Variants in MCPH1 observed in about 807,000 individuals in gnomAD.
MCPH1 encodes microcephalin.
MCPH1 carries 104 observed loss-of-function variants against 84.5 expected under a neutral mutation model. That is an observed-to-expected ratio of 1.23 (90% CI 1.05 to 1.45). The LOEUF is 1.45. Ranked by LOEUF, MCPH1 falls within the 40% of genes most tolerant of loss-of-function variation. The pLI, the probability that MCPH1 is intolerant of heterozygous loss-of-function variation, is 0.00. For synonymous variants in MCPH1, 514 were observed against 366.8 expected (o/e 1.40, Z -4.58); for missense variants, 1,498 against 1,005.7 (o/e 1.49, Z -6.62).
rs1384576747 is a variant in MCPH1 at position 6,640,893 on chromosome 8, C to A, written c.2453-2101C>A. Among the ~76,000 whole-genome samples the A allele has an allele frequency of 2.6e-5, 4 of 152,308 alleles. No homozygotes were observed. The East Asian group carries it at 5.8e-4, about 22-fold the overall frequency. On this transcript the variant is annotated intron_variant, in intron 13 of 13. Coordinates refer to ENST00000344683, the MANE Select transcript of MCPH1 (RefSeq NM_024596.5). ...GTTTTTAATAACTAATTTATTGACA[C>A]TGACCTATATTGCCCCCTGTGAGTC...
intron 11 of MCPH1, among the ~76,000 whole-genome samples, chr8:6,490,511 T>C (rs1810442134): frequency 6.6e-6 from 1 of 152,184 alleles, no homozygotes; most frequent in Non-Finnish European, 1.5e-5. Context: ...CCTCTGTGAA[T>C]TCGGTTTTAG....
intron 12 of MCPH1, among the ~76,000 whole-genome samples, chr8:6,567,460 A>C (rs950538220): frequency 6.6e-6 from 1 of 152,236 alleles, no homozygotes; most frequent in Non-Finnish European, 1.5e-5. Flanking sequence ...GGCTGCTTAC[A>C]GGGGCTTACT....
chr8:6,595,375 C>T (rs376408830), intron 12 of MCPH1, among the ~76,000 whole-genome samples: 8 of 152,190 alleles, frequency 5.3e-5, no homozygotes, highest in East Asian at 3.9e-4. Context: ...GAGTCCACAG[C>T]GCTAAACTGT....
intron 12 of MCPH1, among the ~76,000 whole-genome samples, chr8:6,549,151 A>T (rs1255313839): frequency 6.6e-6 from 1 of 152,236 alleles, no homozygotes; most frequent in African/African-American, 2.4e-5. Flanking sequence ...AGTACAAGAA[A>T]AATGATACAT....
chr8:6,582,297 A>G (rs952657999), intron 12 of MCPH1, among the ~76,000 whole-genome samples: 1 of 152,234 alleles, frequency 6.6e-6, no homozygotes, highest in Non-Finnish European at 1.5e-5. Flanking sequence ...GGCATCAGCC[A>G]CTTTAATTAT....
intron 12 of MCPH1, chr8:6,521,359 T>C: frequency 1.2e-6 from 2 of 1,613,742 alleles, no homozygotes; most frequent in East Asian, 2.2e-5. Context: ...TTATTGACTG[T>C]AGTTGGATGA....
Position 6,570,803 on chromosome 8 carries a change from GTTT to G in MCPH1, c.2215-50630_2215-50628del, listed in dbSNP as rs10548398. On this transcript the variant is annotated intron_variant, in intron 12 of 13. Transcript: ENST00000344683. ...TGACATTTGGAGCAGATGGATTGTT[GTTT>G]TTTTTTTTTTTTTTTTTTTTAACAA... Among the ~76,000 whole-genome samples the G allele has an allele frequency of 5.6e-4, 61 of 108,690 alleles. 1 individual carries two copies. Among genetic ancestry groups the G allele is most frequent in the Admixed American group, 1.6e-3 (16 of 10,160 alleles). The allele number at this position is 108,690 out of a possible 152,430, so 71.3% of individuals were successfully genotyped here. A position where few individuals can be genotyped will look rare whatever the true frequency, so the allele number is the denominator to read the frequency against.
In MCPH1 at chr8:6,414,830, G is replaced by C. The variant is rs1240826704; in HGVS notation, c.180G>C (p.Trp60Cys). 2 of 1,613,546 alleles carry C rather than the reference G, an allele frequency of 1.2e-6. No homozygotes were observed. The highest frequency in any genetic ancestry group is 8.5e-7 in the Non-Finnish European group (1 of 1,179,884). The change falls in exon 3 of 14, where the codon TGG (tryptophan) becomes TGC (cysteine). Residue 60 changes from tryptophan (W) to cysteine (C), a missense_variant. Coordinates refer to ENST00000344683, the MANE Select transcript of MCPH1 (RefSeq NM_024596.5). ...VIFKDGYQST[W>C]DKAQKRGVKL... ...TCAAAGATGGCTACCAGAGCACTTG[G>C]GACAAAGCTCAGAAGAGAGGCGTAA...
intron 9 of MCPH1, among the ~76,000 whole-genome samples, chr8:6,474,961 T>G (rs1481545696): frequency 6.6e-6 from 1 of 152,266 alleles, no homozygotes; most frequent in African/African-American, 2.4e-5. Flanking sequence ...CTTGAATTCT[T>G]AAAACATTTA....
chr8:6,616,029 C>G (rs1313188862), intron 12 of MCPH1: 1 of 152,080 alleles, frequency 6.6e-6, no homozygotes, highest in African/African-American at 2.4e-5. Context: ...TGAGTTGCAC[C>G]CAGAGCTTGC....
intron 13 of MCPH1, among the ~76,000 whole-genome samples, chr8:6,630,021 G>C (rs1006248659): frequency 6.6e-6 from 1 of 152,224 alleles, no homozygotes; most frequent in Non-Finnish European, 1.5e-5. Flanking sequence ...GAAAAAAGTA[G>C]TTGGATGAAA....
At chr8:6,573,696 A>G (rs898646350) in intron 12 of MCPH1, among the ~76,000 whole-genome samples, 1 of 152,142 alleles carries the variant, frequency 6.6e-6, no homozygotes, top group Non-Finnish European at 1.5e-5. Context: ...CTGATGAGAT[A>G]CCTCCTTCCA....
rs544708965 is a variant in MCPH1 at position 6,506,486 on chromosome 8, G to A, written c.2214+6557G>A. ...TGCAATTCTCCTACTCTCCTGAGAA[G>A]CTCAGCACATACGGGTGGTCTAATA... On this transcript the variant is annotated intron_variant, in intron 12 of 13. Transcript: ENST00000344683. 2.8e-4 allele frequency among the ~76,000 whole-genome samples: 43 copies of A among 152,268 alleles called. 1 individual carries two copies. In the South Asian group the frequency reaches 6.8e-3, roughly 24 times the overall value.
intron 12 of MCPH1, among the ~76,000 whole-genome samples, chr8:6,618,202 AAC>A (rs1337855838): frequency 6.6e-6 from 1 of 152,218 alleles, no homozygotes; most frequent in Non-Finnish European, 1.5e-5. Flanking sequence ...ATCTCCAGGT[AAC>A]ACACAGGCTC....
intron 3 of MCPH1, among the ~76,000 whole-genome samples, chr8:6,430,270 C>T (rs557392892): frequency 1.3e-5 from 2 of 152,184 alleles, no homozygotes; most frequent in Admixed American, 1.3e-4. Context: ...TGATGCCTGG[C>T]TTAATAGAAG....
chr8:6,634,586 A>G (rs1278095030), intron 13 of MCPH1, among the ~76,000 whole-genome samples: 1 of 152,154 alleles, frequency 6.6e-6, no homozygotes, highest in Non-Finnish European at 1.5e-5. Context: ...CAAAGAGTAA[A>G]TTTCTTACCA....
At chr8:6,601,110 A>G (rs1586758971) in intron 12 of MCPH1, among the ~76,000 whole-genome samples, 1 of 151,898 alleles carries the variant, frequency 6.6e-6, no homozygotes, top group Non-Finnish European at 1.5e-5. Flanking sequence ...ACCTGTCCCT[A>G]GGCCTCCCTG....
chr8:6,621,691 G>C lies in MCPH1; in HGVS notation c.2452G>C (p.Asp818His), dbSNP rs777703312. 2 of 1,614,144 alleles carry C rather than the reference G, an allele frequency of 1.2e-6. No individual in the cohort carries two copies. The highest frequency in any genetic ancestry group is 1.7e-6 in the Non-Finnish European group (2 of 1,180,042). ...GTATCTGTCTGAGAAATGGGTCTTAGGTAAGAATCCAGGCACACAGACGCT... is the reference window on the plus strand; with the variant it reads ...GTATCTGTCTGAGAAATGGGTCTTACGTAAGAATCCAGGCACACAGACGCT... ...VKYLSEKWVL[D>H]SITQHKVCAP... The change falls in exon 13 of 14, where the codon GAT (aspartate) becomes CAT (histidine). Residue 818 changes from aspartate (D) to histidine (H), a missense_variant and splice_region_variant. Transcript: ENST00000344683.
At chr8:6,452,045 G>A (rs1805154812) in intron 8 of MCPH1, among the ~76,000 whole-genome samples, 1 of 152,176 alleles carries the variant, frequency 6.6e-6, no homozygotes, top group African/African-American at 2.4e-5. Flanking sequence ...CTTAGCTCTA[G>A]ACAAAATTTG....
Sources: gnomAD v4.1 joint callset for allele counts (sites outside exome capture counted in the v4.1 genomes callset) on GRCh38, gnomAD v4.1.1 for gene constraint, MANE v1.5 for transcripts, NCBI Gene and HGNC (gene_info 2026-07-23, HGNC 2026-07-21) for gene names.